EXOC6B: variants seen among roughly 807,000 people sequenced by gnomAD.
EXOC6B encodes exocyst complex component 6B, also known as SEC15 homolog B.
A neutral mutation model predicts 113.5 loss-of-function variants in EXOC6B; 54 were observed. That is an observed-to-expected ratio of 0.48 (90% CI 0.38 to 0.60). The LOEUF is 0.60. EXOC6B is among the 20% of genes least tolerant of loss of function. The pLI is 0.00. For synonymous variants in EXOC6B, 357 were observed against 339.0 expected (o/e 1.05, Z -0.58); for missense variants, 797 against 977.5 (o/e 0.82, Z 2.46).
At chr2:72,692,289 C>G (rs184631837) in intron 6 of EXOC6B, among the ~76,000 whole-genome samples, 5 of 151,632 alleles carry the variant, frequency 3.3e-5, no homozygotes, top group Admixed American at 3.3e-4. Context: ...ATTCCTGCTT[C>G]TCTTTTACAA....
intron 19 of EXOC6B, among the ~76,000 whole-genome samples, chr2:72,376,494 T>C (rs928398419): frequency 6.6e-6 from 1 of 152,186 alleles, no homozygotes; most frequent in Admixed American, 6.5e-5. Context: ...AAAATTTTTC[T>C]CTTTATTATT....
intron 18 of EXOC6B, among the ~76,000 whole-genome samples, chr2:72,428,594 T>G (rs1025993319): frequency 6.6e-6 from 1 of 152,166 alleles, no homozygotes; most frequent in African/African-American, 2.4e-5. Context: ...CTTGGAGGCA[T>G]GGGATCCAGA....
intron 19 of EXOC6B, among the ~76,000 whole-genome samples, chr2:72,355,676 T>A (rs1454130926): frequency 6.6e-6 from 1 of 152,212 alleles, no homozygotes; most frequent in Non-Finnish European, 1.5e-5. Flanking sequence ...GCTTCTCAGA[T>A]GAGAGACTGC....
Position 72,301,961 on chromosome 2 carries a change from T to A in EXOC6B, c.2196+32986A>T, listed in dbSNP as rs181534415. ...GTTAGTTGAGATCTTTCTAACTTTTTGATGTGGGCATTTAGTGCTATAAAT... is the reference window on the plus strand; with the variant it reads ...GTTAGTTGAGATCTTTCTAACTTTTAGATGTGGGCATTTAGTGCTATAAAT... On this transcript the variant is annotated intron_variant, in intron 20 of 21. Coordinates refer to ENST00000272427, the MANE Select transcript of EXOC6B (RefSeq NM_015189.3). Among the ~76,000 whole-genome samples, 82 of 152,290 alleles carry A rather than the reference T, an allele frequency of 5.4e-4. No homozygotes were observed. The East Asian group carries it at 0.015, about 27-fold the overall frequency.
intron 20 of EXOC6B, among the ~76,000 whole-genome samples, chr2:72,310,457 A>T (rs1449139240): frequency 6.6e-6 from 1 of 152,136 alleles, no homozygotes; most frequent in Non-Finnish European, 1.5e-5. Flanking sequence ...TGTCTATTCA[A>T]ATCCCTTGCC....
chr2:72,270,262 G>A (rs556421119), intron 20 of EXOC6B, among the ~76,000 whole-genome samples: 2 of 152,236 alleles, frequency 1.3e-5, no homozygotes, highest in South Asian at 4.1e-4. Flanking sequence ...GAAGGTAGTG[G>A]TGGCTGGTTT....
intron 18 of EXOC6B, among the ~76,000 whole-genome samples, chr2:72,417,258 AC>A (rs1047142649): frequency 9.9e-5 from 15 of 151,880 alleles, no homozygotes; most frequent in Non-Finnish European, 1.8e-4. Flanking sequence ...CAATGGCGCG[AC>A]CTCTTCTCAC....
intron 6 of EXOC6B, among the ~76,000 whole-genome samples, chr2:72,631,255 C>T (rs4852294): frequency 6.6e-6 from 1 of 150,564 alleles, no homozygotes; most frequent in Non-Finnish European, 1.5e-5. Context: ...TGTATATATA[C>T]ATCACTGTTT....
intron 16 of EXOC6B, among the ~76,000 whole-genome samples, chr2:72,482,232 G>A (rs1355846520): frequency 6.6e-6 from 1 of 152,046 alleles, no homozygotes; most frequent in African/African-American, 2.4e-5. Context: ...TCTACTGTCT[G>A]TAAAAAGAAG....
At chr2:72,460,975 T>C (rs1465956887) in intron 18 of EXOC6B, among the ~76,000 whole-genome samples, 3 of 151,458 alleles carry the variant, frequency 2.0e-5, no homozygotes, top group Non-Finnish European at 2.9e-5. Flanking sequence ...CCAACAATGA[T>C]AGACTGGATT....
chr2:72,357,847 T>C (rs1346163551), intron 19 of EXOC6B, among the ~76,000 whole-genome samples: 1 of 152,184 alleles, frequency 6.6e-6, no homozygotes, highest in African/African-American at 2.4e-5. Context: ...CTAGTACTAT[T>C]ATACATGCTG....
At chr2:72,229,968 A>G (rs776045851) in intron 20 of EXOC6B, among the ~76,000 whole-genome samples, 1 of 152,164 alleles carries the variant, frequency 6.6e-6, no homozygotes, top group African/African-American at 2.4e-5. Flanking sequence ...ACTTCACTGT[A>G]CAATGTTACC....
chr2:72,221,519 GCTTT>G (rs909895306), intron 20 of EXOC6B, among the ~76,000 whole-genome samples: 1 of 151,918 alleles, frequency 6.6e-6, no homozygotes, highest in Non-Finnish European at 1.5e-5. Context: ...CCCTTTTTCT[GCTTT>G]CTAATTCCTT....
intron 6 of EXOC6B, among the ~76,000 whole-genome samples, chr2:72,631,449 TATATATATATATAGAGAGAGAG>T (rs1672427042): frequency 1.7e-5 from 1 of 58,198 alleles, no homozygotes; most frequent in African/African-American, 6.5e-5. Flanking sequence ...TATATATATA[TATATATATATATAGAGAGAGAG>T]AGAGAGAGAG....
intron 20 of EXOC6B, among the ~76,000 whole-genome samples, chr2:72,298,231 C>T (rs923065562): frequency 6.6e-6 from 1 of 152,066 alleles, no homozygotes. Flanking sequence ...TGATCCTTTA[C>T]CATTATGTAG....
intron 8 of EXOC6B, among the ~76,000 whole-genome samples, chr2:72,528,827 T>C (rs1483228463): frequency 6.6e-6 from 1 of 152,144 alleles, no homozygotes; most frequent in Non-Finnish European, 1.5e-5. Flanking sequence ...TTTTGGTATC[T>C]ACATATTCAT....
At chr2:72,694,519 T>G (rs1390554189) in intron 6 of EXOC6B, among the ~76,000 whole-genome samples, 1 of 152,228 alleles carries the variant, frequency 6.6e-6, no homozygotes, top group Non-Finnish European at 1.5e-5. Context: ...TTTCAGAAGA[T>G]AGATAATTCT....
At chr2:72,661,344 T>C (rs1281870688) in intron 6 of EXOC6B, among the ~76,000 whole-genome samples, 1 of 140,818 alleles carries the variant, frequency 7.1e-6, no homozygotes, top group African/African-American at 2.7e-5. Flanking sequence ...AACGTAATTA[T>C]CCATGCTGAA....
intron 7 of EXOC6B, among the ~76,000 whole-genome samples, chr2:72,573,623 T>G (rs1022827045): frequency 6.6e-6 from 1 of 152,218 alleles, no homozygotes; most frequent in Non-Finnish European, 1.5e-5. Context: ...CTTAGCTCTA[T>G]TAAGAGCTAT....
Sources: gnomAD v4.1 joint callset for allele counts (sites outside exome capture counted in the v4.1 genomes callset) on GRCh38, gnomAD v4.1.1 for gene constraint, MANE v1.5 for transcripts, NCBI Gene and HGNC (gene_info 2026-07-23, HGNC 2026-07-21) for gene names.